The following ZNF804B variants were observed in gnomAD, a reference collection of about 807,000 sequenced individuals.
ZNF804B encodes zinc finger 804B.
ZNF804B carries 80 observed loss-of-function variants against 101.4 expected under a neutral mutation model. The observed-to-expected ratio is 0.79, with a 90% CI of 0.66 to 0.95. The LOEUF (loss-of-function observed/expected upper bound fraction) is 0.95. Ranked by LOEUF, ZNF804B falls within the 40% of genes least tolerant of loss-of-function variation. ZNF804B has a pLI of 0.00. For synonymous variants in ZNF804B, 622 were observed against 558.8 expected (o/e 1.11, Z -1.59); for missense variants, 1,673 against 1,561.9 (o/e 1.07, Z -1.20).
At position 89,335,420 on chromosome 7, in the gene ZNF804B, A is replaced by G; in HGVS notation, c.2438A>G (p.Asn813Ser). 4 of 1,613,782 alleles carry G rather than the reference A, an allele frequency of 2.5e-6. No individual in the cohort carries two copies. In the African/African-American group the frequency reaches 4.0e-5, roughly 16 times the overall value. The change falls in exon 4 of 4, where the codon AAT becomes AGT. Residue 813 changes from asparagine (N) to serine (S), a missense_variant. Physicochemically the swap from Asn to Ser is conservative, Grantham distance 46 (BLOSUM62 1). Coordinates refer to ENST00000333190, the MANE Select transcript of ZNF804B (RefSeq NM_181646.5). ...HCRERQKLGKNQQQFSGLKST... is the reference protein window; with the variant it reads ...HCRERQKLGKSQQQFSGLKST... ...AGAGAAAGACAAAAACTGGGCAAAAATCAACAACAATTTTCAGGGCTAAAA... is the reference window on the plus strand; with the variant it reads ...AGAGAAAGACAAAAACTGGGCAAAAGTCAACAACAATTTTCAGGGCTAAAA...
rs746008700 is a variant in ZNF804B at position 89,335,455 on chromosome 7, A to C, written c.2473A>C (p.Ile825Leu). The C allele has an allele frequency of 6.2e-7, 1 of 1,613,972 alleles. No homozygotes were observed. Among genetic ancestry groups the C allele is most frequent in the Non-Finnish European group, 8.5e-7 (1 of 1,179,954 alleles). ...QQFSGLKSTR[I>L]IYCDSNSQIS... The stretch of plus-strand genomic sequence containing the variant: ...ATTTTCAGGGCTAAAATCTACGAGA[A>C]TCATCTATTGTGATTCTAACTCACA... Residue 825 changes from isoleucine (I) to leucine (L), a missense_variant, in exon 4 of 4, where the codon ATC becomes CTC. Transcript: ENST00000333190.
chr7:89,140,012 G>A (rs1303184490), intron 1 of ZNF804B, among the ~76,000 whole-genome samples: 1 of 152,010 alleles, frequency 6.6e-6, no homozygotes, highest in African/African-American at 2.4e-5. Flanking sequence ...AGACTTGAAA[G>A]TGCAAATTAC....
intron 1 of ZNF804B, among the ~76,000 whole-genome samples, chr7:88,822,618 AAAGG>A (rs1253957327): frequency 1.7e-4 from 26 of 152,256 alleles, no homozygotes; most frequent in Non-Finnish European, 3.2e-4. Flanking sequence ...AGAGAGAAAA[AAAGG>A]TAATGCTGCA....
At chr7:89,201,142 C>T (rs542968425) in intron 1 of ZNF804B, among the ~76,000 whole-genome samples, 18 of 152,026 alleles carry the variant, frequency 1.2e-4, no homozygotes, top group African/African-American at 4.3e-4. Context: ...GAGACATTTT[C>T]TACTAAAAAG....
chr7:89,277,800 A>C (rs1443885175), intron 2 of ZNF804B, among the ~76,000 whole-genome samples: 1 of 151,862 alleles, frequency 6.6e-6, no homozygotes, highest in Non-Finnish European at 1.5e-5. Flanking sequence ...AATAGTGCCG[A>C]AATAAACATA....
chr7:89,283,859 A>G lies in ZNF804B; in HGVS notation c.250-43485A>G, dbSNP rs571961494. On this transcript the variant is annotated intron_variant, in intron 2 of 3. Coordinates refer to ENST00000333190, the MANE Select transcript of ZNF804B (RefSeq NM_181646.5). The stretch of plus-strand genomic sequence containing the variant: ...TTTTTTTCAGTAAATTTATTGAAAC[A>G]TTTTTGGAGACTTTTGATGGTTTAA... 3.5e-4 allele frequency among the ~76,000 whole-genome samples: 53 copies of G among 152,180 alleles called. 1 individual carries two copies. Among genetic ancestry groups the G allele is most frequent in the African/African-American group, 1.1e-3 (45 of 41,540 alleles).
At chr7:88,886,261 A>T (rs1392628657) in intron 1 of ZNF804B, among the ~76,000 whole-genome samples, 1 of 151,990 alleles carries the variant, frequency 6.6e-6, no homozygotes, top group Non-Finnish European at 1.5e-5. Context: ...CTTGCTCTGC[A>T]TGGATGTATA....
At chr7:88,902,915 G>A (rs1023931828) in intron 1 of ZNF804B, among the ~76,000 whole-genome samples, 4 of 151,940 alleles carry the variant, frequency 2.6e-5, no homozygotes, top group Non-Finnish European at 4.4e-5. Context: ...TAAAATGCCA[G>A]TTTTTGATTT....
intron 1 of ZNF804B, among the ~76,000 whole-genome samples, chr7:89,122,267 A>G (rs2373840): frequency 0.64 from 97,706 of 151,760 alleles, 32,236 homozygotes; most frequent in East Asian, 0.8. Flanking sequence ...TTCTTCAGTC[A>G]CATTAGCCAT....
intron 1 of ZNF804B, among the ~76,000 whole-genome samples, chr7:88,881,618 C>G (rs141689557): frequency 5.9e-5 from 9 of 152,094 alleles, no homozygotes; most frequent in Non-Finnish European, 1.2e-4. Context: ...AGATTCTTTC[C>G]TTACAAATCC....
At chr7:88,879,506 G>T (rs934822136) in intron 1 of ZNF804B, among the ~76,000 whole-genome samples, 22 of 152,288 alleles carry the variant, frequency 1.4e-4, no homozygotes, top group Admixed American at 1.4e-3. Flanking sequence ...TGGAATTTAT[G>T]TGAGAATATG....
Position 89,336,770 on chromosome 7 carries a change from T to C in ZNF804B, c.3788T>C (p.Leu1263Ser), listed in dbSNP as rs765249779. Residue 1263 changes from leucine (L) to serine (S), a missense_variant, in exon 4 of 4, where the codon TTA (leucine) becomes TCA (serine). Transcript: ENST00000333190. Reference protein sequence around the residue: ...PTIIPAHPTFLAGHPLHLVAA... With the variant: ...PTIIPAHPTFSAGHPLHLVAA... The stretch of plus-strand genomic sequence containing the variant: ...ATTATCCCTGCACACCCCACTTTCT[T>C]AGCAGGTCATCCCCTGCATTTAGTA... 5 of 1,613,962 alleles carry C rather than the reference T, an allele frequency of 3.1e-6. No homozygotes were observed. Among genetic ancestry groups the C allele is most frequent in the African/African-American group, 2.7e-5 (2 of 74,912 alleles).
At chr7:88,774,123 G>A (rs114877551) in intron 1 of ZNF804B, among the ~76,000 whole-genome samples, 1 of 151,744 alleles carries the variant, frequency 6.6e-6, no homozygotes, top group Non-Finnish European at 1.5e-5. Flanking sequence ...ACTTAGGTCA[G>A]AGTTTAAAAT....
chr7:88,897,957 A>T (rs1019399449), intron 1 of ZNF804B, among the ~76,000 whole-genome samples: 4 of 151,818 alleles, frequency 2.6e-5, no homozygotes, highest in Admixed American at 2.0e-4. Context: ...ATTTAGCAGC[A>T]TACCTTCATA....
intron 2 of ZNF804B, among the ~76,000 whole-genome samples, chr7:89,297,318 A>G (rs553033034): frequency 4.6e-5 from 7 of 152,174 alleles, no homozygotes; most frequent in Admixed American, 3.3e-4. Flanking sequence ...AGTTATTACC[A>G]GAGGCAACTG....
At position 89,229,595 on chromosome 7, in the gene ZNF804B, A is replaced by G. The variant is rs116698209; in HGVS notation, c.249+11300A>G. On this transcript the variant is annotated intron_variant, in intron 2 of 3. Coordinates refer to ENST00000333190, the MANE Select transcript of ZNF804B (RefSeq NM_181646.5). ...ACCTGATAGAAATGCAAAGAGAAAC[A>G]GATGAATCCACTATTTTACTTGGAG... Among the ~76,000 whole-genome samples the G allele has an allele frequency of 3.7e-3, 559 of 152,376 alleles. 7 individuals are homozygous for G. Among genetic ancestry groups the G allele is most frequent in the African/African-American group, 0.012 (511 of 41,576 alleles).
chr7:89,146,931 A>G (rs1385469106), intron 1 of ZNF804B, among the ~76,000 whole-genome samples: 1 of 151,716 alleles, frequency 6.6e-6, no homozygotes, highest in Non-Finnish European at 1.5e-5. Context: ...TGGGAGGTCA[A>G]AATGGGAATG....
chr7:88,977,364 C>T (rs1793630962), intron 1 of ZNF804B, among the ~76,000 whole-genome samples: 1 of 151,190 alleles, frequency 6.6e-6, no homozygotes, highest in Non-Finnish European at 1.5e-5. Context: ...TACAATGAAG[C>T]CATCAGATCC....
chr7:88,854,519 T>TCCTC (rs1486599760), intron 1 of ZNF804B, among the ~76,000 whole-genome samples: 8 of 62,776 alleles, frequency 1.3e-4, no homozygotes, highest in Non-Finnish European at 2.2e-4. Flanking sequence ...TTCCTTTCCT[T>TCCTC]TCCTTCCTTT....
Sources: gnomAD v4.1 joint callset for allele counts (sites outside exome capture counted in the v4.1 genomes callset) on GRCh38, gnomAD v4.1.1 for gene constraint, MANE v1.5 for transcripts, NCBI Gene and HGNC (gene_info 2026-07-23, HGNC 2026-07-21) for gene names.